The following DUOX2 variants were observed in gnomAD, a reference collection of about 807,000 sequenced individuals.
DUOX2 encodes the protein NADH/NADPH thyroid oxidase p138-tox.
DUOX2 carries 185 observed loss-of-function variants against 183.3 expected under a neutral mutation model. The ratio of observed to expected loss-of-function variants is 1.01; its 90% CI spans 0.90 to 1.14. The LOEUF is 1.14. Among genes scored for constraint, DUOX2 ranks in the 50% most tolerant of loss-of-function variants. The probability of loss-of-function intolerance (pLI) is 0.00; values close to 1 mark genes in which losing one functional copy is unlikely to be tolerated. For missense variants in DUOX2, 1,999 were observed against 2,022.9 expected (o/e 0.99, Z 0.23); for synonymous variants, 788 against 812.4 (o/e 0.97, Z 0.51).
intron 14 of DUOX2, 77 bp downstream of exon 14, chr15:45,107,268 A>G: frequency 6.4e-7 from 1 of 1,564,636 alleles, no homozygotes; most frequent in Non-Finnish European, 8.8e-7. Flanking sequence ...GGACAGCACC[A>G]AGTGATTCCC....
intron 27 of DUOX2, 66 bp from the exon 28 acceptor site, chr15:45,097,807 G>C: frequency 6.2e-7 from 1 of 1,611,330 alleles, no homozygotes; most frequent in Non-Finnish European, 8.5e-7. Flanking sequence ...AAAGACAACA[G>C]CACATTCCCC....
intron 5 of DUOX2, 50 bp downstream of exon 5, chr15:45,111,718 G>A (rs1401824463): frequency 6.0e-6 from 9 of 1,490,100 alleles, no homozygotes; most frequent in Admixed American, 2.3e-5. Flanking sequence ...CGAAGCCCAG[G>A]CCCCACCTGG....
At chr15:45,109,124 A>G in intron 11 of DUOX2, 172 bp from the exon 12 acceptor site, 2 of 828,230 alleles carry the variant, frequency 2.4e-6, no homozygotes, top group Admixed American at 2.1e-5. Flanking sequence ...CAATGTCACC[A>G]TGGGTGATCA....
In DUOX2 at chr15:45,104,005, T is replaced by C. The variant is rs143258582; in HGVS notation, c.2609A>G (p.Asp870Gly). 55 of 1,614,024 alleles carry C rather than the reference T, an allele frequency of 3.4e-5. No individual in the cohort carries two copies. The highest frequency in any genetic ancestry group is 2.3e-4 in the African/African-American group (17 of 74,920). Residue 870 changes from aspartate to glycine, a missense_variant, in exon 20 of 34, where the codon GAT becomes GGT. Asp to Gly is a moderately conservative substitution (Grantham distance 94). Around this residue, in one of 3 missense-constraint regions of DUOX2, gnomAD observed 1,628 missense variants for 1,608.6 expected, o/e 1.01. Transcript: ENST00000389039. ...GTCCTTGGAGAGGAAGCCATTCTCA[T>C]CCAGGTCATACATGGTAAACATTAG... ...SRLMFTMYDL[D>G]ENGFLSKDEF...
rs201261436 is a variant in DUOX2, at chr15:45,097,692, G to A, written c.3615C>T (p.Phe1205=). 5.8e-4 allele frequency: 944 copies of A among 1,614,220 alleles called. 12 individuals are homozygous for A. In the South Asian group the frequency reaches 8.7e-3, roughly 15 times the overall value. Residue 1205 remains phenylalanine, a synonymous_variant, in exon 28 of 34, where the codon TTC becomes TTT. Transcript: ENST00000389039. ...LLLVLAIMYV[F]ASHHFRRRSF... is the part of the protein sequence containing the mutation. ...TGCGGCGGCGGAAGTGGTGGGAGGC[G>A]AAGACATACATGATGGCCAGGACCA...
chr15:45,097,367 G>A lies in DUOX2; in HGVS notation c.3718C>T (p.Leu1240=). 6.2e-7 allele frequency: 1 copy of A among 1,614,274 alleles called. No individual in the cohort carries two copies. The highest frequency in any genetic ancestry group is 8.5e-7 in the Non-Finnish European group (1 of 1,180,060). The change falls in exon 29 of 34, where the codon CTG becomes TTG. Residue 1240 remains leucine (L), a synonymous_variant. Coordinates refer to ENST00000389039, the MANE Select transcript of DUOX2 (RefSeq NM_001363711.2). ...ATGTGGAAAGTGGGCAGCTGGATCA[G>A]AGCATAGCTGCCATGGATGATGAGC... ...ALLIIHGSYA[L]IQLPTFHIYF...
rs1009150487 is a variant in DUOX2, at chr15:45,112,577, C to T, written c.302G>A (p.Arg101His). Reference protein sequence around the residue: ...GIAGLPSLHNRTVLGVFFGYH... With the variant: ...GIAGLPSLHNHTVLGVFFGYH... The stretch of plus-strand genomic sequence containing the variant: ...ACCAAAGAAGACCCCCAGTACGGTG[C>T]GGTTGTGGAGCGACGGCAGGCCGGC... Residue 101 changes from arginine to histidine, a missense_variant, in exon 4 of 34, where the codon CGC becomes CAC. Physicochemically the swap from Arg to His is conservative, Grantham distance 29. This residue lies in a region of DUOX2 where 356 missense variants were observed against 356.4 expected (regional missense o/e 1.00). Coordinates refer to ENST00000389039, the MANE Select transcript of DUOX2 (RefSeq NM_001363711.2). The T allele has an allele frequency of 6.2e-7, 1 of 1,613,130 alleles. No homozygotes were observed. Among genetic ancestry groups the T allele is most frequent in the Non-Finnish European group, 8.5e-7 (1 of 1,179,756 alleles).
chr15:45,097,089 G>A (rs1410868238), intron 29 of DUOX2, 149 bp downstream of exon 29: 15 of 1,199,440 alleles, frequency 1.3e-5, no homozygotes, highest in Non-Finnish European at 1.7e-5. Context: ...GAAACCTTCA[G>A]GAACCCCCGA....
Position 45,112,672 on chromosome 15 carries a change from C to G in DUOX2, c.207G>C (p.Val69=), listed in dbSNP as rs778850776. 3.7e-6 allele frequency: 6 copies of G among 1,612,802 alleles called. No individual in the cohort carries two copies. In the South Asian group the frequency reaches 6.6e-5, roughly 18 times the overall value. ...RRVPANYADG[V]YQALEEPQLP... Reference sequence around the variant, plus strand: ...GCTGCGGCTCCTCCAGAGCCTGATACACACCGTCGGCGTAATTGGCTGGTA... The same window carrying G: ...GCTGCGGCTCCTCCAGAGCCTGATAGACACCGTCGGCGTAATTGGCTGGTA... The change falls in exon 4 of 34, where the codon GTG becomes GTC. Residue 69 remains valine, a synonymous_variant. Coordinates refer to ENST00000389039, the MANE Select transcript of DUOX2 (RefSeq NM_001363711.2).
intron 20 of DUOX2, among the ~76,000 whole-genome samples, chr15:45,102,261 A>G (rs1894103362): frequency 6.8e-6 from 1 of 146,120 alleles, no homozygotes; most frequent in Non-Finnish European, 1.5e-5. Flanking sequence ...TAGTCCACTG[A>G]GTGCAGGGGT....
intron 20 of DUOX2, among the ~76,000 whole-genome samples, chr15:45,102,849 G>A (rs574983606): frequency 3.0e-4 from 45 of 152,372 alleles, no homozygotes; most frequent in African/African-American, 9.6e-4. Context: ...GGACGTGGTG[G>A]CACATGCCTG....
At chr15:45,107,227 C>A in intron 14 of DUOX2, 118 bp downstream of exon 14, 1 of 1,390,748 alleles carries the variant, frequency 7.2e-7, no homozygotes, top group South Asian at 1.2e-5. Context: ...TGCAGGCCTC[C>A]TAGCCCAACA....
intron 10 of DUOX2, 25 bp from the exon 11 acceptor site, chr15:45,109,651 A>G (rs1287357026): frequency 6.2e-7 from 1 of 1,610,882 alleles, no homozygotes; most frequent in Admixed American, 1.7e-5. Flanking sequence ...TGCACTCAAG[A>G]TAGGCCTCTA....
rs367660191 is a variant in DUOX2 at position 45,106,075 on chromosome 15, A to G, written c.2148+50T>C. On this transcript the variant is annotated intron_variant, in intron 17 of 33. Coordinates refer to ENST00000389039, the MANE Select transcript of DUOX2 (RefSeq NM_001363711.2). ...GGATAGGGTGGCCTCGCTTGTGATA[A>G]TGGAGTCGTGTGAGGGCAGCCCAGG... 8.2e-5 allele frequency: 131 copies of G among 1,602,950 alleles called. 1 individual carries two copies. Among genetic ancestry groups the G allele is most frequent in the Non-Finnish European group, 1.0e-4 (119 of 1,171,032 alleles).
intron 11 of DUOX2, 23 bp from the exon 12 acceptor site, chr15:45,108,975 C>T: frequency 1.2e-6 from 2 of 1,613,886 alleles, no homozygotes; most frequent in East Asian, 2.2e-5. Context: ...GAAGACTAGA[C>T]TATGGGCTTT....
At chr15:45,098,293 C>T (rs1202446649) in intron 26 of DUOX2, among the ~76,000 whole-genome samples, 10 of 152,206 alleles carry the variant, frequency 6.6e-5, no homozygotes, top group Admixed American at 5.9e-4. Flanking sequence ...TGGTTGACCC[C>T]TGCTTCCTTG....
intron 16 of DUOX2, 48 bp from the exon 17 acceptor site, chr15:45,106,375 TC>T: frequency 1.2e-6 from 2 of 1,608,570 alleles, no homozygotes; most frequent in African/African-American, 1.3e-5. Context: ...TGTCCCCAGG[TC>T]CCCGCCTTCA....
intron 1 of DUOX2, among the ~76,000 whole-genome samples, chr15:45,113,662 G>A (rs1261491692): frequency 6.6e-6 from 1 of 152,118 alleles, no homozygotes; most frequent in Non-Finnish European, 1.5e-5. Flanking sequence ...CCCCATCAGA[G>A]AGTTAACCCC....
rs119472028 is a variant in DUOX2 at position 45,104,176 on chromosome 15, G to T, written c.2524C>A (p.Arg842=). The T allele has an allele frequency of 8.7e-6, 14 of 1,614,038 alleles. No homozygotes were observed. The highest frequency in any genetic ancestry group is 3.3e-4 in the Middle Eastern group (2 of 6,084). The part of the protein sequence containing the change: ...DKDGNGYLSF[R]EFLDILVVFM... The stretch of plus-strand genomic sequence containing the variant: ...ACCACCAGGATGTCCAGGAACTCTC[G>T]GAAGGACAGGTAGCCATTGCCATCC... Residue 842 remains arginine, a synonymous_variant, in exon 19 of 34, where the codon CGA becomes AGA. Transcript: ENST00000389039.
Sources: allele counts gnomAD v4.1 joint callset (sites outside exome capture counted in the v4.1 genomes callset), GRCh38; gene constraint gnomAD v4.1.1; regional missense constraint gnomAD v4.1.1; transcripts MANE v1.5; gene names NCBI Gene and HGNC (gene_info 2026-07-23, HGNC 2026-07-21).